ARRB1: variants seen among roughly 807,000 people sequenced by gnomAD.
The protein encoded by ARRB1 is beta-arrestin-1.
In ARRB1, 21 loss-of-function variants were observed where a neutral mutation model predicts 56.8. The ratio of observed to expected loss-of-function variants is 0.37; its 90% CI spans 0.26 to 0.53. ARRB1 has a LOEUF of 0.53. ARRB1 is among the 20% of genes least tolerant of loss of function. ARRB1 has a pLI of 0.88. For synonymous variants in ARRB1, 210 were observed against 218.6 expected, an observed-to-expected ratio of 0.96 and a Z score of 0.35; for missense variants, 424 against 553.7, an observed-to-expected ratio of 0.77 and a Z score of 2.35.
At chr11:75,347,983 C>T (rs1366874314) in intron 1 of ARRB1, among the ~76,000 whole-genome samples, 1 of 152,206 alleles carries the variant, frequency 6.6e-6, no homozygotes, top group Non-Finnish European at 1.5e-5. Context: ...TAGGCCTGCT[C>T]TTCCCATCCA....
rs936394985 is a variant in ARRB1 at position 75,303,037 on chromosome 11, T to C, written c.21-12998A>G. 2.0e-5 allele frequency among the ~76,000 whole-genome samples: 3 copies of C among 152,094 alleles called. No homozygotes were observed. In the South Asian group the frequency reaches 6.2e-4, roughly 32 times the overall value. On this transcript the variant is annotated intron_variant, in intron 1 of 15. Coordinates refer to ENST00000420843, the MANE Select transcript of ARRB1 (RefSeq NM_004041.5). ...ATTATTTGGAGATGGAGTCTCGCTCTGTCACCCAGGCTGGAGTGGAGTGGC... is the reference window on the plus strand; with the variant it reads ...ATTATTTGGAGATGGAGTCTCGCTCCGTCACCCAGGCTGGAGTGGAGTGGC...
At chr11:75,274,459 T>C (rs528056641) in intron 10 of ARRB1, 1 of 502,924 alleles carries the variant, frequency 2.0e-6, no homozygotes, top group Admixed American at 3.3e-5. Flanking sequence ...AAGATTATCC[T>C]AGTCAAGCAG....
chr11:75,294,073 G>A (rs1222551529), intron 1 of ARRB1, among the ~76,000 whole-genome samples: 1 of 152,140 alleles, frequency 6.6e-6, no homozygotes, highest in East Asian at 1.9e-4. Flanking sequence ...CAAATTCCCA[G>A]TAGAGGAATT....
chr11:75,282,058 T>C, intron 5 of ARRB1, 37 bp from the exon 6 acceptor site: 1 of 1,606,080 alleles, frequency 6.2e-7, no homozygotes, highest in Non-Finnish European at 8.5e-7. Flanking sequence ...ACCTGTCACA[T>C]CCACCACTGT....
At chr11:75,300,811 C>CA (rs1381082297) in intron 1 of ARRB1, among the ~76,000 whole-genome samples, 1 of 150,766 alleles carries the variant, frequency 6.6e-6, no homozygotes, top group South Asian at 2.1e-4. Flanking sequence ...CTAAAAAACA[C>CA]AAAAAAATTA....
chr11:75,298,274 G>T (rs370122152), intron 1 of ARRB1, among the ~76,000 whole-genome samples: 3 of 150,822 alleles, frequency 2.0e-5, no homozygotes, highest in East Asian at 1.9e-4. Flanking sequence ...CCACTGAATG[G>T]AGCAAATATT....
chr11:75,268,116 A>G (rs1945976329), intron 14 of ARRB1, among the ~76,000 whole-genome samples: 1 of 152,146 alleles, frequency 6.6e-6, no homozygotes, highest in Non-Finnish European at 1.5e-5. Context: ...CAGTTTAACC[A>G]TGGAAGTTTT....
chr11:75,306,142 C>T (rs1402207766), intron 1 of ARRB1, among the ~76,000 whole-genome samples: 1 of 152,172 alleles, frequency 6.6e-6, no homozygotes. Context: ...GACTCCCCAT[C>T]CCTGCTCTGT....
chr11:75,321,266 C>CT (rs1348011327), intron 1 of ARRB1, among the ~76,000 whole-genome samples: 7 of 122,114 alleles, frequency 5.7e-5, no homozygotes, highest in African/African-American at 2.1e-4. Context: ...TTCCTGCTCA[C>CT]CCCCCCCCAC....
At chr11:75,293,209 A>C (rs1946649427) in intron 1 of ARRB1, among the ~76,000 whole-genome samples, 1 of 152,104 alleles carries the variant, frequency 6.6e-6, no homozygotes, top group Non-Finnish European at 1.5e-5. Context: ...AGCAGCCACC[A>C]CATTCCCCAA....
chr11:75,313,904 C>T (rs1365755252), intron 1 of ARRB1, among the ~76,000 whole-genome samples: 1 of 152,238 alleles, frequency 6.6e-6, no homozygotes, highest in Non-Finnish European at 1.5e-5. Flanking sequence ...ACGTGCCTAA[C>T]ACTGCCTTAA....
At chr11:75,351,201 G>T (rs1947845312) in intron 1 of ARRB1, among the ~76,000 whole-genome samples, 1 of 152,206 alleles carries the variant, frequency 6.6e-6, no homozygotes, top group African/African-American at 2.4e-5. Flanking sequence ...ATGACGGCGT[G>T]CCACTGCGTG....
intron 1 of ARRB1, among the ~76,000 whole-genome samples, chr11:75,314,122 C>T (rs1324207971): frequency 6.6e-6 from 1 of 152,214 alleles, no homozygotes; most frequent in Non-Finnish European, 1.5e-5. Flanking sequence ...TTCCTTCTCA[C>T]TTCGGGGTCT....
intron 3 of ARRB1, among the ~76,000 whole-genome samples, chr11:75,286,768 C>T (rs1243938454): frequency 1.3e-5 from 2 of 152,166 alleles, no homozygotes; most frequent in Non-Finnish European, 2.9e-5. Flanking sequence ...CAGCCACAGC[C>T]CAGCTTCTAG....
At chr11:75,311,938 G>T in intron 1 of ARRB1, 1 of 882,600 alleles carries the variant, frequency 1.1e-6, no homozygotes, top group Non-Finnish European at 1.6e-6. Context: ...GCTGAGAGGG[G>T]ACGGCCGGCA....
At chr11:75,345,493 G>A (rs907776721) in intron 1 of ARRB1, among the ~76,000 whole-genome samples, 3 of 152,116 alleles carry the variant, frequency 2.0e-5, no homozygotes, top group African/African-American at 4.8e-5. Context: ...CATCTGAGAC[G>A]ATACCTGTTC....
chr11:75,281,653 T>A (rs981878797), intron 6 of ARRB1: 2 of 394,256 alleles, frequency 5.1e-6, no homozygotes, highest in African/African-American at 2.0e-5. Flanking sequence ...CGCACTTTGA[T>A]TCCAGGTTGC....
rs544854457 is a variant in ARRB1 at position 75,342,390 on chromosome 11, G to A, written c.20+9198C>T. Among the ~76,000 whole-genome samples, 11 of 152,280 alleles carry A rather than the reference G, an allele frequency of 7.2e-5. No individual in the cohort carries two copies. The South Asian group carries it at 1.9e-3, about 26-fold the overall frequency. ...GTGGTTTAATTAGCTGATTATGACC[G>A]CAGCCTGCTGGATGCAGTGCCCAGA... is the stretch of plus-strand genomic sequence containing the variant. On this transcript the variant is annotated intron_variant, in intron 1 of 15. Coordinates refer to ENST00000420843, the MANE Select transcript of ARRB1 (RefSeq NM_004041.5).
chr11:75,300,558 G>A (rs565619325), intron 1 of ARRB1, among the ~76,000 whole-genome samples: 2 of 152,192 alleles, frequency 1.3e-5, no homozygotes, highest in Non-Finnish European at 2.9e-5. Context: ...AGGGCTGGCC[G>A]CTGTGGTTCA....
Sources: gnomAD v4.1 joint callset for allele counts (sites outside exome capture counted in the v4.1 genomes callset) on GRCh38, gnomAD v4.1.1 for gene constraint, MANE v1.5 for transcripts, NCBI Gene and HGNC (gene_info 2026-07-23, HGNC 2026-07-21) for gene names.